Variants in KYNU observed in about 807,000 individuals in gnomAD.
The protein encoded by KYNU is L-kynurenine hydrolase.
A neutral mutation model predicts 59.2 loss-of-function variants in KYNU; 54 were observed. The observed-to-expected ratio is 0.91, with a 90% confidence interval of 0.73 to 1.14. The LOEUF is 1.14. KYNU is among the 50% of genes most tolerant of loss of function. The pLI is 0.00. For missense variants in KYNU, 567 were observed against 554.4 expected (o/e 1.02, Z -0.23); for synonymous variants, 177 against 192.0 (o/e 0.92, Z 0.65).
At chr2:143,012,065 A>T in intron 10 of KYNU, among the ~76,000 whole-genome samples, 1 of 130,682 alleles carries the variant, frequency 7.7e-6, no homozygotes, top group Non-Finnish European at 1.6e-5. Flanking sequence ...AAGTATAATA[A>T]AAAAAAAAAA....
chr2:143,032,226 C>T (rs974894194), intron 11 of KYNU, among the ~76,000 whole-genome samples: 13 of 150,534 alleles, frequency 8.6e-5, no homozygotes, highest in Non-Finnish European at 1.9e-4. Flanking sequence ...TTCAGTGAGC[C>T]AAGATCGCGC....
chr2:143,032,609 C>T (rs1322627996), intron 11 of KYNU, among the ~76,000 whole-genome samples: 3 of 152,078 alleles, frequency 2.0e-5, no homozygotes, highest in African/African-American at 7.2e-5. Context: ...TTGAATTTAA[C>T]TTGCTACAGT....
At chr2:142,887,752 C>G (rs1304046860) in intron 2 of KYNU, among the ~76,000 whole-genome samples, 1 of 152,044 alleles carries the variant, frequency 6.6e-6, no homozygotes, top group South Asian at 2.1e-4. Context: ...TTGTCAGGAA[C>G]TTGGAGAGGG....
intron 10 of KYNU, among the ~76,000 whole-genome samples, chr2:143,016,093 T>C (rs560818739): frequency 1.3e-5 from 2 of 152,344 alleles, no homozygotes; most frequent in South Asian, 4.1e-4. Context: ...TAAACGTTCA[T>C]TCTGTTGAAA....
intron 2 of KYNU, among the ~76,000 whole-genome samples, chr2:142,894,579 C>A (rs954524384): frequency 1.3e-5 from 2 of 152,146 alleles, no homozygotes; most frequent in African/African-American, 4.8e-5. Context: ...CTCGTACCCC[C>A]TTTCAGGAAC....
chr2:142,957,535 G>A, intron 6 of KYNU, 106 bp from the exon 7 acceptor site: 2 of 728,996 alleles, frequency 2.7e-6, no homozygotes, highest in South Asian at 1.5e-5. Context: ...CTTCACCTTG[G>A]ATTTAATATA....
chr2:142,951,613 T>G (rs2105076142), intron 4 of KYNU, among the ~76,000 whole-genome samples: 1 of 152,330 alleles, frequency 6.6e-6, no homozygotes, highest in Non-Finnish European at 1.5e-5. Flanking sequence ...ACTAAATTCT[T>G]TAGTGCCTTT....
intron 6 of KYNU, among the ~76,000 whole-genome samples, chr2:142,957,002 ATTAAT>A: frequency 6.6e-6 from 1 of 152,072 alleles, no homozygotes; most frequent in Admixed American, 6.5e-5. Flanking sequence ...AAATAAATAA[ATTAAT>A]TAATTTTAAA....
At chr2:142,881,913 T>TC (rs1435857348) in intron 1 of KYNU, among the ~76,000 whole-genome samples, 3 of 133,286 alleles carry the variant, frequency 2.3e-5, no homozygotes, top group African/African-American at 8.7e-5. Context: ...TCTTTTCTTT[T>TC]TTCTTTTTTT....
intron 2 of KYNU, among the ~76,000 whole-genome samples, chr2:142,897,664 G>C (rs975352477): frequency 2.0e-5 from 3 of 151,974 alleles, no homozygotes; most frequent in African/African-American, 7.3e-5. Flanking sequence ...TATATCTTTA[G>C]GGATGTGCTT....
At chr2:142,889,469 TA>T (rs1681629767) in intron 2 of KYNU, among the ~76,000 whole-genome samples, 1 of 152,138 alleles carries the variant, frequency 6.6e-6, no homozygotes, top group Non-Finnish European at 1.5e-5. Context: ...AGGCTTGCTG[TA>T]GGAGAGGATT....
chr2:142,924,654 C>T (rs974034837), intron 3 of KYNU, among the ~76,000 whole-genome samples: 2 of 152,168 alleles, frequency 1.3e-5, no homozygotes, highest in African/African-American at 4.8e-5. Flanking sequence ...GTAGATGTCT[C>T]AGAAAACACC....
intron 2 of KYNU, among the ~76,000 whole-genome samples, chr2:142,912,461 C>A (rs180837501): frequency 6.9e-6 from 1 of 144,176 alleles, no homozygotes. Context: ...CTCACCACAA[C>A]CTCTGCATCC....
chr2:142,919,550 T>A (rs1482432091), intron 3 of KYNU, among the ~76,000 whole-genome samples: 1 of 152,194 alleles, frequency 6.6e-6, no homozygotes, highest in Non-Finnish European at 1.5e-5. Flanking sequence ...AGGAAAAACA[T>A]TTGGCTGTCA....
chr2:143,053,261 G>T lies in KYNU; in HGVS notation c.*11089G>T, dbSNP rs1687296727. 1 of 152,212 alleles carries T rather than the reference G, an allele frequency of 6.6e-6. No individual in the cohort carries two copies. Among genetic ancestry groups the T allele is most frequent in the Admixed American group, 6.5e-5 (1 of 15,278 alleles). The allele number at this position is 152,212 out of a possible 1,614,324, so 9.4% of individuals were successfully genotyped here. ...GGAAGGGCGATGTTTCTTTCTGGAG[G>T]CTCCAGGGAGAACTCTGTTTTCTTA... On this transcript the variant is annotated 3_prime_UTR_variant, in exon 14 of 14. Coordinates refer to ENST00000264170, the MANE Select transcript of KYNU (RefSeq NM_003937.3).
At chr2:142,999,818 T>G (rs1685659375) in intron 10 of KYNU, among the ~76,000 whole-genome samples, 1 of 152,122 alleles carries the variant, frequency 6.6e-6, no homozygotes, top group East Asian at 1.9e-4. Context: ...AAATAAATTT[T>G]AATAAGACAG....
chr2:143,031,741 C>T (rs972550545), intron 11 of KYNU, among the ~76,000 whole-genome samples: 1 of 152,050 alleles, frequency 6.6e-6, no homozygotes, highest in Non-Finnish European at 1.5e-5. Flanking sequence ...AAAAACAAAA[C>T]TAGTGGGTCA....
intron 10 of KYNU, among the ~76,000 whole-genome samples, chr2:143,007,039 G>GGAACAAAGCTGGATGGA (rs1685930265): frequency 6.6e-6 from 1 of 152,068 alleles, no homozygotes; most frequent in Admixed American, 6.5e-5. Flanking sequence ...CACCAGCAAC[G>GGAACAAAGCTGGATGGA]GAACAAAGCT....
chr2:142,924,102 C>G (rs1682973954), intron 3 of KYNU, among the ~76,000 whole-genome samples: 1 of 152,104 alleles, frequency 6.6e-6, no homozygotes. Context: ...TTTTGTTTTT[C>G]TAATTAACAT....
Sources: gnomAD v4.1 joint callset for allele counts (sites outside exome capture counted in the v4.1 genomes callset) on GRCh38, gnomAD v4.1.1 for gene constraint, MANE v1.5 for transcripts, NCBI Gene and HGNC (gene_info 2026-07-23, HGNC 2026-07-21) for gene names.